Variants in SMARCC1 observed in about 807,000 individuals in gnomAD.
SMARCC1 encodes the protein SWI/SNF related BAF chromatin remodeling complex subunit C1.
SMARCC1 carries 43 observed loss-of-function variants against 147.4 expected under a neutral mutation model. The ratio of observed to expected loss-of-function variants is 0.29; its 90% CI spans 0.23 to 0.38. The LOEUF is 0.38. Among genes scored for constraint, SMARCC1 ranks in the 10% least tolerant of loss-of-function variants. The pLI, the probability that SMARCC1 is intolerant of heterozygous loss-of-function variation, is 1.00. For missense variants in SMARCC1, 1,119 were observed against 1,381.1 expected (o/e 0.81, Z 3.01); for synonymous variants, 495 against 484.4 (o/e 1.02, Z -0.29).
chr3:47,755,953 G>A (rs777664337), intron 2 of SMARCC1, among the ~76,000 whole-genome samples: 6 of 125,388 alleles, frequency 4.8e-5, no homozygotes, highest in Non-Finnish European at 9.5e-5. Flanking sequence ...TGGTGCCACT[G>A]CATTTCAGCC....
At chr3:47,728,917 A>G in intron 6 of SMARCC1, 108 bp downstream of exon 6, 1 of 667,006 alleles carries the variant, frequency 1.5e-6, no homozygotes, top group Non-Finnish European at 2.4e-6. Context: ...AAACAAAACA[A>G]AAACAAATAA....
intron 12 of SMARCC1, among the ~76,000 whole-genome samples, chr3:47,691,927 G>A (rs1420054736): frequency 1.3e-5 from 2 of 152,162 alleles, no homozygotes; most frequent in Non-Finnish European, 2.9e-5. Context: ...TTGAACCCGG[G>A]AGGAGGAGGT....
In SMARCC1 at chr3:47,622,318, T is replaced by C. The variant is rs763701944; in HGVS notation, c.2670A>G (p.Arg890=). 6.2e-7 allele frequency: 1 copy of C among 1,613,708 alleles called. No homozygotes were observed. Among genetic ancestry groups the C allele is most frequent in the South Asian group, 1.1e-5 (1 of 90,938 alleles). Residue 890 remains arginine, a synonymous_variant, in exon 25 of 28, where the codon AGA becomes AGG. Coordinates refer to ENST00000254480, the MANE Select transcript of SMARCC1 (RefSeq NM_003074.4). ...KAKHLAAVEE[R]KIKSLVALLV... is the part of the protein sequence containing the mutation. ...AGAGAGCTACCAGGGACTTGATCTT[T>C]CTTTCTTCCACTGCAGCCAGGTGCT...
In SMARCC1 at chr3:47,739,990, C is replaced by T. The variant is rs565667649; in HGVS notation, c.402-1880G>A. ...TTCCTGGATTCAAGCGATTCTCCTG[C>T]CTCAGCCTCCTGATTAGCTGGGATT... On this transcript the variant is annotated intron_variant, in intron 3 of 27. Transcript: ENST00000254480. Among the ~76,000 whole-genome samples the T allele has an allele frequency of 8.9e-4, 135 of 152,096 alleles. 1 individual carries two copies. Among genetic ancestry groups the T allele is most frequent in the South Asian group, 1.5e-3 (7 of 4,810 alleles).
intron 14 of SMARCC1, among the ~76,000 whole-genome samples, chr3:47,684,132 T>C (rs950910075): frequency 1.4e-5 from 2 of 147,618 alleles, no homozygotes; most frequent in Non-Finnish European, 3.0e-5. Flanking sequence ...CCCAGCTACT[T>C]GGGAGGCTGA....
intron 18 of SMARCC1, among the ~76,000 whole-genome samples, chr3:47,674,854 T>C (rs1424702625): frequency 6.6e-6 from 1 of 152,204 alleles, no homozygotes; most frequent in Non-Finnish European, 1.5e-5. Flanking sequence ...CTTATGGGTT[T>C]CTAATGATAA....
chr3:47,644,110 A>C (rs1445655462), intron 21 of SMARCC1, among the ~76,000 whole-genome samples: 1 of 152,154 alleles, frequency 6.6e-6, no homozygotes. Context: ...TGAGCCTAGA[A>C]GTGCAAGGCT....
chr3:47,613,762 C>T (rs1295434979), intron 25 of SMARCC1, among the ~76,000 whole-genome samples: 1 of 152,154 alleles, frequency 6.6e-6, no homozygotes, highest in East Asian at 1.9e-4. Flanking sequence ...GCCTATGGCC[C>T]TGCTCTGAAG....
intron 6 of SMARCC1, among the ~76,000 whole-genome samples, chr3:47,728,041 G>C (rs919401216): frequency 1.5e-5 from 2 of 137,744 alleles, no homozygotes; most frequent in Admixed American, 7.5e-5. Flanking sequence ...ATACAGGCAC[G>C]TATCACCACA....
chr3:47,661,313 G>C lies in SMARCC1; in HGVS notation c.2301C>G (p.Pro767=). 6.2e-7 allele frequency: 1 copy of C among 1,611,540 alleles called. No individual in the cohort carries two copies. Among genetic ancestry groups the C allele is most frequent in the Admixed American group, 1.7e-5 (1 of 59,278 alleles). ...ACTCACCAAGCTTCTCTGGCTCATCGGGCCCTGTGCCTGCAATGCAGCTGC... is the reference window on the plus strand; with the variant it reads ...ACTCACCAAGCTTCTCTGGCTCATCCGGCCCTGTGCCTGCAATGCAGCTGC... The part of the protein sequence containing the change: ...LESSCIAGTG[P]DEPEKLEGAE... Residue 767 remains proline, a synonymous_variant, in exon 21 of 28, where the codon CCC becomes CCG. Transcript: ENST00000254480.
intron 21 of SMARCC1, among the ~76,000 whole-genome samples, chr3:47,659,527 T>G (rs1218619094): frequency 1.3e-5 from 2 of 151,854 alleles, no homozygotes; most frequent in South Asian, 4.2e-4. Flanking sequence ...GGGAGGGTGG[T>G]TCAACATGTG....
At chr3:47,728,979 G>C in intron 6 of SMARCC1, 46 bp downstream of exon 6, 1 of 1,172,492 alleles carries the variant, frequency 8.5e-7, no homozygotes, top group African/African-American at 1.5e-5. Context: ...AAATCCATTT[G>C]GTATGATGTA....
intron 19 of SMARCC1, among the ~76,000 whole-genome samples, chr3:47,665,202 C>A (rs1336680030): frequency 6.6e-6 from 1 of 152,138 alleles, no homozygotes; most frequent in Admixed American, 6.6e-5. Context: ...TGGTAGAGGA[C>A]TTCTCAAAAC....
intron 21 of SMARCC1, among the ~76,000 whole-genome samples, chr3:47,651,465 T>C (rs544817378): frequency 6.6e-6 from 1 of 152,342 alleles, no homozygotes; most frequent in South Asian, 2.1e-4. Flanking sequence ...TAACTTTACA[T>C]GAGCCTCCTT....
intron 5 of SMARCC1, among the ~76,000 whole-genome samples, chr3:47,734,636 T>C (rs2034418065): frequency 6.6e-6 from 1 of 152,200 alleles, no homozygotes; most frequent in African/African-American, 2.4e-5. Context: ...TACAGTTTAG[T>C]CACATGTAAT....
At chr3:47,740,721 T>C (rs1576427695) in intron 3 of SMARCC1, among the ~76,000 whole-genome samples, 2 of 152,154 alleles carry the variant, frequency 1.3e-5, no homozygotes, top group South Asian at 2.1e-4. Flanking sequence ...TCTCATTAGA[T>C]ACCTTGAGGA....
intron 12 of SMARCC1, among the ~76,000 whole-genome samples, chr3:47,692,993 T>TA (rs945421567): frequency 8.1e-5 from 12 of 147,548 alleles, no homozygotes; most frequent in African/African-American, 1.7e-4. Flanking sequence ...GATTCCGTCT[T>TA]AAAAAAAAAA....
intron 10 of SMARCC1, among the ~76,000 whole-genome samples, 199 bp downstream of exon 10, chr3:47,706,210 G>C (rs1444251922): frequency 6.7e-6 from 1 of 150,098 alleles, no homozygotes; most frequent in Non-Finnish European, 1.5e-5. Flanking sequence ...TAGCTGGGAT[G>C]ACAGGCGTGC....
In SMARCC1 at chr3:47,590,690, C is replaced by T. The variant is rs1056869614; in HGVS notation, c.3191G>A (p.Arg1064Gln). 10 of 1,559,686 alleles carry T rather than the reference C, an allele frequency of 6.4e-6. No individual in the cohort carries two copies. The African/African-American group carries it at 7.0e-5, about 11-fold the overall frequency. Reference protein sequence around the residue: ...PPMPGNILGPRVPLTAPNGMY... With the variant: ...PPMPGNILGPQVPLTAPNGMY... Reference sequence around the variant, plus strand: ...GCCGTTAGGTGCTGTCAGGGGTACCCGGGGTCCTAAGATGTTTCCTGGCAT... The same window carrying T: ...GCCGTTAGGTGCTGTCAGGGGTACCTGGGGTCCTAAGATGTTTCCTGGCAT... Residue 1064 changes from arginine to glutamine, a missense_variant, in exon 27 of 28, where the codon CGG (arginine) becomes CAG (glutamine). By Grantham distance (43) the Arg-to-Gln change is conservative. This residue lies in a region of SMARCC1 where 186 missense variants were observed against 216.5 expected (regional missense o/e 0.86). Transcript: ENST00000254480.
Sources: gnomAD v4.1 joint callset for allele counts (sites outside exome capture counted in the v4.1 genomes callset) on GRCh38, gnomAD v4.1.1 for gene constraint, gnomAD v4.1.1 regional missense constraint, MANE v1.5 for transcripts, NCBI Gene and HGNC (gene_info 2026-07-23, HGNC 2026-07-21) for gene names.